SNTG2: variants seen among roughly 807,000 people sequenced by gnomAD.
SNTG2 encodes the protein gamma-2-syntrophin.
SNTG2 carries 74 observed loss-of-function variants against 70.9 expected under a neutral mutation model. That is an observed-to-expected ratio of 1.04 (90% confidence interval 0.86 to 1.27). The LOEUF (loss-of-function observed/expected upper bound fraction) is 1.27. Ranked by LOEUF, SNTG2 falls within the 50% of genes most tolerant of loss-of-function variation. The probability of loss-of-function intolerance (pLI) is 0.00; values close to 1 mark genes in which losing one functional copy is unlikely to be tolerated. For missense variants in SNTG2, 717 were observed against 690.7 expected, an observed-to-expected ratio of 1.04 and a Z score of -0.43; for synonymous variants, 278 against 273.8, an observed-to-expected ratio of 1.02 and a Z score of -0.15.
chr2:1,298,029 A>G lies in SNTG2; in HGVS notation c.1285-10465A>G, dbSNP rs143967131. ...CAGAGAGCTGCAAGGGGTGACGGAC[A>G]GAAGACTGGGCTGGTGCTTCTTCCA... On this transcript the variant is annotated intron_variant, in intron 14 of 16. Coordinates refer to ENST00000308624, the MANE Select transcript of SNTG2 (RefSeq NM_018968.4). Among the ~76,000 whole-genome samples the G allele has an allele frequency of 4.5e-3, 687 of 152,360 alleles. 7 individuals are homozygous for G. Among genetic ancestry groups the G allele is most frequent in the African/African-American group, 0.016 (645 of 41,592 alleles).
intron 1 of SNTG2, among the ~76,000 whole-genome samples, chr2:977,996 G>A (rs1213096901): frequency 2.6e-5 from 4 of 152,174 alleles, no homozygotes; most frequent in Non-Finnish European, 5.9e-5. Flanking sequence ...TTTCATGAAG[G>A]TTATCAAAAT....
At position 978,722 on chromosome 2, in the gene SNTG2, TAAGCGGATGTCTTATGCACA is replaced by T. The variant is rs546202011; in HGVS notation, c.72+27657_72+27676del. Among the ~76,000 whole-genome samples the T allele has an allele frequency of 2.3e-3, 348 of 152,316 alleles. 2 individuals carry two copies. The highest frequency in any genetic ancestry group is 8.1e-3 in the African/African-American group (338 of 41,550). On this transcript the variant is annotated intron_variant, in intron 1 of 16. Transcript: ENST00000308624. ...TATGAGGATATTTTAATGTGTGCAA[TAAGCGGATGTCTTATGCACA>T]AAAGGAGTTCTGAAATTCTGAGTAC...
chr2:1,211,539 AAG>A (rs1413799725), intron 9 of SNTG2, among the ~76,000 whole-genome samples: 1 of 152,188 alleles, frequency 6.6e-6, no homozygotes, highest in Non-Finnish European at 1.5e-5. Flanking sequence ...TATAAAGAAA[AAG>A]AGGTTTAATG....
At position 1,259,387 on chromosome 2, in the gene SNTG2, G is replaced by A; in HGVS notation, c.1023G>A (p.Trp341Ter). The A allele has an allele frequency of 6.2e-7, 1 of 1,613,948 alleles. No homozygotes were observed. The highest frequency in any genetic ancestry group is 8.5e-7 in the Non-Finnish European group (1 of 1,179,872). The change falls in exon 13 of 17, where the codon TGG becomes TGA. Residue 341 changes from tryptophan (W) to a stop codon, truncating the protein, a stop_gained. Transcript: ENST00000308624. LOFTEE classifies it high-confidence loss of function. ...TCTTGCAGGTGAGCACATTCGATTG[G>A]GTGCGAGCAGAAAGGACCTATCACC... ...FSTPPVSTFD[W>*]VRAERTYHLC...
intron 1 of SNTG2, among the ~76,000 whole-genome samples, chr2:965,351 C>A (rs1660514378): frequency 9.3e-6 from 1 of 107,146 alleles, no homozygotes; most frequent in African/African-American, 4.7e-5. Flanking sequence ...GGTCCCCAGT[C>A]CTCCTCCTGG....
chr2:1,061,812 A>G (rs1054736115), intron 1 of SNTG2, among the ~76,000 whole-genome samples: 3 of 152,214 alleles, frequency 2.0e-5, no homozygotes, highest in South Asian at 2.1e-4. Flanking sequence ...TCAGGTGTCA[A>G]TGATCAGGTT....
At chr2:1,309,590 G>GC (rs1680880413) in intron 15 of SNTG2, among the ~76,000 whole-genome samples, 2 of 148,204 alleles carry the variant, frequency 1.3e-5, no homozygotes, top group South Asian at 4.1e-4. Context: ...TGGGCACAGG[G>GC]CCCCACACAG....
At chr2:1,139,634 T>C (rs1425767336) in intron 6 of SNTG2, among the ~76,000 whole-genome samples, 1 of 151,968 alleles carries the variant, frequency 6.6e-6, no homozygotes, top group African/African-American at 2.4e-5. Context: ...AAGTCCAGCC[T>C]GGGCAACATA....
At chr2:1,193,434 TTTGA>T (rs1672721834) in intron 8 of SNTG2, among the ~76,000 whole-genome samples, 2 of 152,212 alleles carry the variant, frequency 1.3e-5, no homozygotes, top group African/African-American at 4.8e-5. Flanking sequence ...CCTGCTTTTG[TTTGA>T]TTGTTCCCTT....
intron 14 of SNTG2, among the ~76,000 whole-genome samples, chr2:1,297,317 T>G (rs763613239): frequency 3.3e-5 from 5 of 152,222 alleles, no homozygotes; most frequent in Non-Finnish European, 7.3e-5. Context: ...ATGTAAATAT[T>G]TATTTTCAAT....
intron 1 of SNTG2, among the ~76,000 whole-genome samples, chr2:1,002,700 A>G (rs1659434397): frequency 6.6e-6 from 1 of 151,296 alleles, no homozygotes; most frequent in Non-Finnish European, 1.5e-5. Flanking sequence ...CAAAAAAAAA[A>G]AAAACCTAAA....
chr2:1,266,378 GCTCCA>G (rs1678735145), intron 13 of SNTG2, among the ~76,000 whole-genome samples: 1 of 152,210 alleles, frequency 6.6e-6, no homozygotes, highest in South Asian at 2.1e-4. Context: ...TCCCCAGGCT[GCTCCA>G]TGCAGCACAG....
intron 4 of SNTG2, 63 bp from the exon 5 acceptor site, chr2:1,137,557 CTG>C (rs1243898681): frequency 6.4e-7 from 1 of 1,559,956 alleles, no homozygotes; most frequent in African/African-American, 1.4e-5. Context: ...GCTTAAATGA[CTG>C]TCATAACAAA....
intron 1 of SNTG2, among the ~76,000 whole-genome samples, chr2:977,022 A>ACACCAT (rs1343749835): frequency 2.0e-5 from 3 of 152,146 alleles, no homozygotes. Context: ...CACCTGGCAG[A>ACACCAT]CACCATCGTA....
At chr2:1,118,303 T>A (rs4971461) in intron 4 of SNTG2, among the ~76,000 whole-genome samples, 76,577 of 151,632 alleles carry the variant, frequency 0.51, 19,499 homozygotes, top group East Asian at 0.58. Context: ...TACAGAGAAG[T>A]CAAAAGTAGT....
At chr2:1,146,550 T>C (rs1452012378) in intron 6 of SNTG2, among the ~76,000 whole-genome samples, 2 of 152,188 alleles carry the variant, frequency 1.3e-5, no homozygotes, top group Non-Finnish European at 2.9e-5. Flanking sequence ...ACAAATTGAG[T>C]CTAAAGTTTA....
At chr2:1,082,049 T>C (rs1489222489) in intron 1 of SNTG2, among the ~76,000 whole-genome samples, 1 of 152,042 alleles carries the variant, frequency 6.6e-6, no homozygotes, top group African/African-American at 2.4e-5. Context: ...CTCCTGAAAC[T>C]CTCCTGTGCG....
At chr2:1,019,259 G>C (rs1660021222) in intron 1 of SNTG2, among the ~76,000 whole-genome samples, 1 of 152,166 alleles carries the variant, frequency 6.6e-6, no homozygotes, top group Non-Finnish European at 1.5e-5. Context: ...AGTCTTGGAG[G>C]GTCTTGGAGA....
chr2:1,265,256 C>T (rs565173420), intron 13 of SNTG2, among the ~76,000 whole-genome samples: 4 of 152,316 alleles, frequency 2.6e-5, no homozygotes, highest in East Asian at 1.9e-4. Flanking sequence ...CTGAAGGAGA[C>T]GATCCAGAGG....
Sources: allele counts gnomAD v4.1 joint callset (sites outside exome capture counted in the v4.1 genomes callset), GRCh38; gene constraint gnomAD v4.1.1; transcripts MANE v1.5; gene names NCBI Gene and HGNC (gene_info 2026-07-23, HGNC 2026-07-21).